The following NRG3 variants were observed in gnomAD, a reference collection of about 807,000 sequenced individuals.
NRG3 encodes the protein pro-neuregulin-3, membrane-bound isoform.
NRG3 carries 31 observed loss-of-function variants against 66.9 expected under a neutral mutation model. The observed-to-expected ratio is 0.46, with a 90% CI of 0.35 to 0.63. NRG3 has a LOEUF of 0.63. Ranked by LOEUF, NRG3 falls within the 20% of genes least tolerant of loss-of-function variation. The pLI is 0.00. For missense variants in NRG3, 910 were observed against 878.9 expected (o/e 1.04, Z -0.45); for synonymous variants, 393 against 359.4 (o/e 1.09, Z -1.06).
intron 1 of NRG3, among the ~76,000 whole-genome samples, chr10:82,017,157 T>A (rs1160546214): frequency 1.3e-5 from 2 of 152,138 alleles, no homozygotes; most frequent in African/African-American, 4.8e-5. Context: ...ATTGTTCAAT[T>A]CCCACCTGTG....
rs78117039 is a variant in NRG3 at position 82,114,101 on chromosome 10, A to G, written c.823+237938A>G. 0.013 allele frequency among the ~76,000 whole-genome samples: 1,951 copies of G among 152,216 alleles called. 65 individuals carry two copies. In the East Asian group the frequency reaches 0.14, roughly 11 times the overall value. On this transcript the variant is annotated intron_variant, in intron 1 of 8. Coordinates refer to ENST00000372141, the MANE Select transcript of NRG3 (RefSeq NM_001010848.4). The stretch of plus-strand genomic sequence containing the variant: ...TGTAATATGTGGTCTTTTGTGACTG[A>G]CATCTTTGATTTAGCGTAATGTTTT...
chr10:82,370,376 C>A (rs1167524546), intron 2 of NRG3, among the ~76,000 whole-genome samples: 1 of 138,164 alleles, frequency 7.2e-6, no homozygotes, highest in Non-Finnish European at 1.5e-5. Flanking sequence ...CCCTCAGCAT[C>A]CAGACATCCC....
intron 1 of NRG3, among the ~76,000 whole-genome samples, chr10:82,155,079 T>A (rs1258799668): frequency 6.6e-6 from 1 of 151,776 alleles, no homozygotes; most frequent in Admixed American, 6.6e-5. Flanking sequence ...ACCTACTTTG[T>A]AAGATAAATT....
chr10:82,507,269 C>G (rs1213165733), intron 2 of NRG3, among the ~76,000 whole-genome samples: 2 of 152,038 alleles, frequency 1.3e-5, no homozygotes, highest in East Asian at 3.9e-4. Flanking sequence ...GTGTAAAGCT[C>G]CATGCCTGAG....
intron 2 of NRG3, among the ~76,000 whole-genome samples, chr10:82,729,445 T>A (rs1265115938): frequency 7.1e-6 from 1 of 140,358 alleles, no homozygotes; most frequent in Non-Finnish European, 1.6e-5. Context: ...AAAAATAGAT[T>A]TTTTTTTATA....
At chr10:82,544,072 G>A (rs2043731293) in intron 2 of NRG3, among the ~76,000 whole-genome samples, 1 of 152,166 alleles carries the variant, frequency 6.6e-6, no homozygotes, top group African/African-American at 2.4e-5. Context: ...CAGAGACCCA[G>A]TTGCTTTATC....
intron 1 of NRG3, among the ~76,000 whole-genome samples, chr10:82,072,911 C>T (rs1004141575): frequency 6.6e-6 from 1 of 152,050 alleles, no homozygotes. Flanking sequence ...GGACTACAGG[C>T]GCACACCACT....
At chr10:82,479,666 A>T in intron 2 of NRG3, among the ~76,000 whole-genome samples, 1 of 34,190 alleles carries the variant, frequency 2.9e-5, no homozygotes, top group Non-Finnish European at 1.8e-4. Flanking sequence ...CTCTGTCTCA[A>T]AAAAAAAAAA....
intron 1 of NRG3, among the ~76,000 whole-genome samples, chr10:82,133,029 T>G (rs11813127): frequency 0.017 from 2,630 of 152,024 alleles, 81 homozygotes; most frequent in African/African-American, 0.059. Context: ...ATTTTGTTGA[T>G]TTTTTGTATT....
intron 1 of NRG3, among the ~76,000 whole-genome samples, chr10:82,249,834 T>A (rs1374024574): frequency 6.6e-6 from 1 of 152,204 alleles, no homozygotes; most frequent in Admixed American, 6.5e-5. Flanking sequence ...TGGCTTAGGT[T>A]AAGATTCAAA....
intron 2 of NRG3, among the ~76,000 whole-genome samples, chr10:82,696,501 AAAAT>A (rs1188139919): frequency 1.3e-5 from 2 of 152,144 alleles, no homozygotes; most frequent in East Asian, 3.9e-4. Context: ...AAGGGAAAAA[AAAAT>A]AACTTCCTCT....
chr10:82,685,349 G>C (rs2054435907), intron 2 of NRG3, among the ~76,000 whole-genome samples: 1 of 152,214 alleles, frequency 6.6e-6, no homozygotes, highest in Admixed American at 6.5e-5. Context: ...ATTACTGAAA[G>C]AAAGTAGCTT....
chr10:82,817,614 T>C (rs780035917), intron 3 of NRG3, among the ~76,000 whole-genome samples: 7 of 152,142 alleles, frequency 4.6e-5, no homozygotes, highest in Non-Finnish European at 2.9e-5. Flanking sequence ...AGAATGAAGG[T>C]GTATGCCCCA....
chr10:82,741,798 C>G (rs1292011445), intron 3 of NRG3, among the ~76,000 whole-genome samples: 1 of 152,138 alleles, frequency 6.6e-6, no homozygotes, highest in Non-Finnish European at 1.5e-5. Flanking sequence ...ACCCTCCCTT[C>G]TCTAGTTATT....
At chr10:82,223,642 AACACACACACACACAC>A (rs398014296) in intron 1 of NRG3, among the ~76,000 whole-genome samples, 25 of 138,014 alleles carry the variant, frequency 1.8e-4, no homozygotes, top group African/African-American at 6.7e-4. Context: ...AACCACCCCA[AACACACACACACACAC>A]ACACACACAC....
At position 82,215,773 on chromosome 10, in the gene NRG3, G is replaced by A. The variant is rs531143457; in HGVS notation, c.824-142966G>A. Among the ~76,000 whole-genome samples the A allele has an allele frequency of 1.9e-4, 29 of 151,668 alleles. 1 individual carries two copies. Among genetic ancestry groups the A allele is most frequent in the African/African-American group, 6.5e-4 (27 of 41,312 alleles). On this transcript the variant is annotated intron_variant, in intron 1 of 8. Transcript: ENST00000372141. Reference sequence around the variant, plus strand: ...AATTTGATATTTCTGATATTCTATGGGCTTCACTTTTTGACATCATGCCTT... The same window carrying A: ...AATTTGATATTTCTGATATTCTATGAGCTTCACTTTTTGACATCATGCCTT...
chr10:82,702,263 G>A (rs533883794), intron 2 of NRG3, among the ~76,000 whole-genome samples: 66 of 152,274 alleles, frequency 4.3e-4, no homozygotes, highest in African/African-American at 1.5e-3. Context: ...AAATGGGTTA[G>A]AGATAATAAA....
At chr10:82,828,715 G>A (rs1398320954) in intron 3 of NRG3, among the ~76,000 whole-genome samples, 1 of 152,120 alleles carries the variant, frequency 6.6e-6, no homozygotes, top group Non-Finnish European at 1.5e-5. Context: ...TATAAACCAT[G>A]AAAGCTTATA....
chr10:82,943,285 A>G (rs1415329425), intron 4 of NRG3, among the ~76,000 whole-genome samples: 3 of 152,240 alleles, frequency 2.0e-5, no homozygotes, highest in Non-Finnish European at 4.4e-5. Flanking sequence ...GAATAAGAGG[A>G]TAAGAACAGT....
Sources: allele counts gnomAD v4.1 joint callset (sites outside exome capture counted in the v4.1 genomes callset), GRCh38; gene constraint gnomAD v4.1.1; transcripts MANE v1.5; gene names NCBI Gene and HGNC (gene_info 2026-07-23, HGNC 2026-07-21).